Variants in FAM13A observed in about 807,000 individuals in gnomAD.
FAM13A encodes protein FAM13A.
In FAM13A, 76 loss-of-function variants were observed where a neutral mutation model predicts 129.6. That is an observed-to-expected ratio of 0.59 (90% CI 0.49 to 0.71). The LOEUF is 0.71. Ranked by LOEUF, FAM13A falls within the 30% of genes least tolerant of loss-of-function variation. The probability of loss-of-function intolerance (pLI) is 0.00; values close to 1 mark genes in which losing one functional copy is unlikely to be tolerated. For missense variants in FAM13A, 1,108 were observed against 1,249.3 expected (o/e 0.89, Z 1.70); for synonymous variants, 443 against 449.9 (o/e 0.98, Z 0.20).
intron 13 of FAM13A, among the ~76,000 whole-genome samples, chr4:88,766,632 A>G (rs532594025): frequency 2.0e-5 from 3 of 152,160 alleles, no homozygotes; most frequent in Non-Finnish European, 4.4e-5. Flanking sequence ...TTAAGCTGCT[A>G]TGCTGTAAAA....
chr4:88,998,472 G>A (rs1335858030), intron 3 of FAM13A, among the ~76,000 whole-genome samples: 1 of 152,132 alleles, frequency 6.6e-6, no homozygotes, highest in Non-Finnish European at 1.5e-5. Flanking sequence ...CTAACACCAT[G>A]TCTCATGTAT....
intron 5 of FAM13A, among the ~76,000 whole-genome samples, chr4:88,926,793 C>A (rs1304736215): frequency 3.9e-5 from 6 of 152,224 alleles, no homozygotes; most frequent in African/African-American, 1.4e-4. Flanking sequence ...CTTTACACTT[C>A]TTGTTAGTCT....
chr4:89,037,948 C>T (rs1002668924), intron 1 of FAM13A, among the ~76,000 whole-genome samples: 1 of 152,200 alleles, frequency 6.6e-6, no homozygotes, highest in Non-Finnish European at 1.5e-5. Flanking sequence ...ACAATTAAAC[C>T]TCTTTTCTTT....
At chr4:88,751,041 A>G (rs1212052407) in intron 14 of FAM13A, among the ~76,000 whole-genome samples, 1 of 152,242 alleles carries the variant, frequency 6.6e-6, no homozygotes, top group Non-Finnish European at 1.5e-5. Context: ...CAGGAGTTTG[A>G]GACCAGCCTG....
Position 88,749,844 on chromosome 4 carries a change from G to C in FAM13A, c.2006C>G (p.Thr669Arg), listed in dbSNP as rs185686238. Reference protein sequence around the residue: ...EQEDLTPAQLTRRIQSLKKKI... With the variant: ...EQEDLTPAQLRRRIQSLKKKI... The stretch of plus-strand genomic sequence containing the variant: ...CTTTTTAAGGCTCTGAATCCTTCGT[G>C]TGAGCTGGGCAGGTGTCAGGTCCTC... Residue 669 changes from threonine to arginine, a missense_variant, in exon 16 of 24, where the codon ACA (threonine) becomes AGA (arginine). By Grantham distance (71) the Thr-to-Arg change is moderately conservative (BLOSUM62 -1). Around this residue, in one of 3 missense-constraint regions of FAM13A, gnomAD observed 529 missense variants for 621.2 expected, o/e 0.85. Transcript: ENST00000264344. 1.3e-5 allele frequency: 21 copies of C among 1,614,106 alleles called. No individual in the cohort carries two copies. In the Admixed American group the frequency reaches 3.0e-4, roughly 23 times the overall value.
chr4:88,849,418 T>C lies in FAM13A; in HGVS notation c.1007+1602A>G, dbSNP rs375291699. Among the ~76,000 whole-genome samples, 7 of 152,196 alleles carry C rather than the reference T, an allele frequency of 4.6e-5. 1 individual carries two copies. Among genetic ancestry groups the C allele is most frequent in the African/African-American group, 1.7e-4 (7 of 41,456 alleles). On this transcript the variant is annotated intron_variant, in intron 7 of 23. Coordinates refer to ENST00000264344, the MANE Select transcript of FAM13A (RefSeq NM_014883.4). ...ACTTTCATTGGCTTCGTATTACCTC[T>C]GGGATAAAATCGAGGTTCTCCTATT... is the stretch of plus-strand genomic sequence containing the variant.
chr4:88,788,670 A>T (rs1474766445), intron 9 of FAM13A, among the ~76,000 whole-genome samples: 1 of 152,158 alleles, frequency 6.6e-6, no homozygotes, highest in Non-Finnish European at 1.5e-5. Flanking sequence ...AAAGCTGTAG[A>T]ATCTTTCAAG....
At chr4:88,934,006 C>T (rs866657427) in intron 5 of FAM13A, among the ~76,000 whole-genome samples, 72 of 152,194 alleles carry the variant, frequency 4.7e-4, no homozygotes, top group African/African-American at 1.6e-3. Context: ...CTGTACTGGC[C>T]TCTCAACTGC....
At chr4:88,956,276 A>G (rs1056832837) in intron 4 of FAM13A, among the ~76,000 whole-genome samples, 6 of 152,234 alleles carry the variant, frequency 3.9e-5, no homozygotes, top group Non-Finnish European at 7.3e-5. Context: ...GTTAGTTTAG[A>G]TATGTTCAGA....
intron 7 of FAM13A, among the ~76,000 whole-genome samples, chr4:88,809,800 T>C (rs1729291745): frequency 6.6e-6 from 1 of 151,708 alleles, no homozygotes; most frequent in Non-Finnish European, 1.5e-5. Flanking sequence ...TGGCAGCCAC[T>C]GTTCTGTTGC....
chr4:88,852,148 C>T (rs1326611972), intron 6 of FAM13A, among the ~76,000 whole-genome samples: 3 of 150,636 alleles, frequency 2.0e-5, no homozygotes, highest in Non-Finnish European at 4.4e-5. Context: ...CTTTCTCTAA[C>T]TAACTTCAGG....
At chr4:89,012,052 C>A (rs1453104159) in intron 3 of FAM13A, among the ~76,000 whole-genome samples, 1 of 152,128 alleles carries the variant, frequency 6.6e-6, no homozygotes, top group East Asian at 1.9e-4. Flanking sequence ...TAAAAATACT[C>A]AACTATGATC....
chr4:88,913,463 AGAG>A (rs1445524975), intron 5 of FAM13A, among the ~76,000 whole-genome samples: 73 of 83,412 alleles, frequency 8.8e-4, no homozygotes, highest in Middle Eastern at 6.4e-3. Flanking sequence ...AAGAAGAAGA[AGAG>A]GAGGAGGAGG....
intron 8 of FAM13A, among the ~76,000 whole-genome samples, chr4:88,792,016 C>A (rs1021091085): frequency 1.3e-5 from 2 of 151,970 alleles, no homozygotes; most frequent in Non-Finnish European, 2.9e-5. Flanking sequence ...CCCAGAAAAA[C>A]CACGTAAAAT....
chr4:88,823,369 CCTCCTCCTCTTCCTCCTCCTCCTTCT>C (rs888815019), intron 7 of FAM13A: 64 of 1,016,150 alleles, frequency 6.3e-5, no homozygotes, highest in Non-Finnish European at 2.1e-5. Flanking sequence ...AATGGTCCCT[CCTCCTCCTCTTCCTCCTCCTCCTTCT>C]CTCCTCCTGC....
At chr4:88,835,153 T>C (rs1318077983) in intron 7 of FAM13A, among the ~76,000 whole-genome samples, 1 of 152,184 alleles carries the variant, frequency 6.6e-6, no homozygotes, top group Admixed American at 6.5e-5. Context: ...GACACATACA[T>C]GGACTGGGGG....
At chr4:88,795,351 A>G (rs531973876) in intron 8 of FAM13A, among the ~76,000 whole-genome samples, 14 of 151,942 alleles carry the variant, frequency 9.2e-5, no homozygotes, top group African/African-American at 3.4e-4. Flanking sequence ...TTAATGCTAT[A>G]TTAAATTTAT....
intron 4 of FAM13A, among the ~76,000 whole-genome samples, chr4:88,965,888 G>A (rs181219695): frequency 7.9e-5 from 12 of 152,288 alleles, no homozygotes; most frequent in Admixed American, 7.8e-4. Context: ...GTATGTGACA[G>A]GATTTCCTTT....
At chr4:88,879,836 G>A (rs964988696) in intron 6 of FAM13A, among the ~76,000 whole-genome samples, 1 of 152,178 alleles carries the variant, frequency 6.6e-6, no homozygotes, top group African/African-American at 2.4e-5. Flanking sequence ...AAATTGGGCA[G>A]GCAGCATGAG....
Sources: allele counts gnomAD v4.1 joint callset (sites outside exome capture counted in the v4.1 genomes callset), GRCh38; gene constraint gnomAD v4.1.1; regional missense constraint gnomAD v4.1.1; transcripts MANE v1.5; gene names NCBI Gene and HGNC (gene_info 2026-07-23, HGNC 2026-07-21).